ADAMTSL1: variants seen among roughly 807,000 people sequenced by gnomAD.
ADAMTSL1 encodes ADAMTS like 1, also known as ADAMTS-like protein 1.
ADAMTSL1 carries 126 observed loss-of-function variants against 201.8 expected under a neutral mutation model. The observed-to-expected ratio is 0.62, with a 90% CI of 0.54 to 0.72. The LOEUF (loss-of-function observed/expected upper bound fraction) is 0.72. Ranked by LOEUF, ADAMTSL1 falls within the 30% of genes least tolerant of loss-of-function variation. The pLI is 0.00. For synonymous variants in ADAMTSL1, 1,121 were observed against 903.4 expected (o/e 1.24, Z -4.32); for missense variants, 2,679 against 2,277.8 (o/e 1.18, Z -3.59).
chr9:18,122,841 C>T (rs1049419000), intron 1 of ADAMTSL1, among the ~76,000 whole-genome samples: 3 of 152,030 alleles, frequency 2.0e-5, no homozygotes, highest in Non-Finnish European at 2.9e-5. Context: ...CAGGCTCAGG[C>T]GATCCTCCCA....
At chr9:18,161,524 A>C (rs1223805024) in intron 1 of ADAMTSL1, among the ~76,000 whole-genome samples, 3 of 152,074 alleles carry the variant, frequency 2.0e-5, no homozygotes, top group Non-Finnish European at 4.4e-5. Context: ...CCTTTCAAAA[A>C]ACACCAAAAT....
At chr9:18,064,245 G>A (rs575534563) in intron 1 of ADAMTSL1, among the ~76,000 whole-genome samples, 57 of 152,130 alleles carry the variant, frequency 3.7e-4, no homozygotes, top group African/African-American at 1.1e-3. Context: ...GGGTTGCACC[G>A]TGGAATGATC....
chr9:17,970,293 C>G (rs1233584306), intron 1 of ADAMTSL1, among the ~76,000 whole-genome samples: 2 of 152,014 alleles, frequency 1.3e-5, no homozygotes, highest in Non-Finnish European at 2.9e-5. Flanking sequence ...AAAACTACCC[C>G]CTCCTATCTA....
intron 6 of ADAMTSL1, 46 bp downstream of exon 6, chr9:18,636,063 A>G (rs555633792): frequency 1.4e-6 from 2 of 1,427,128 alleles, no homozygotes; most frequent in Non-Finnish European, 1.9e-6. Flanking sequence ...AATTGTAGTC[A>G]TTATTATTTA....
chr9:18,103,549 T>C (rs77937131), intron 1 of ADAMTSL1, among the ~76,000 whole-genome samples: 6,169 of 152,252 alleles, frequency 0.041, 188 homozygotes, highest in South Asian at 0.068. Flanking sequence ...CAGTTTCTTA[T>C]AGCAAGTGGG....
intron 7 of ADAMTSL1, among the ~76,000 whole-genome samples, chr9:18,647,801 T>C (rs1228509349): frequency 6.6e-6 from 1 of 151,992 alleles, no homozygotes; most frequent in East Asian, 1.9e-4. Context: ...AGAGCTTTAC[T>C]TCCAAGTATG....
At chr9:18,700,377 C>T (rs994934033) in intron 13 of ADAMTSL1, among the ~76,000 whole-genome samples, 8 of 152,044 alleles carry the variant, frequency 5.3e-5, no homozygotes, top group East Asian at 3.9e-4. Flanking sequence ...CTTCTCATCT[C>T]ATGTAAAAAT....
At chr9:18,011,689 A>C (rs1820058247) in intron 1 of ADAMTSL1, among the ~76,000 whole-genome samples, 1 of 152,032 alleles carries the variant, frequency 6.6e-6, no homozygotes, top group Non-Finnish European at 1.5e-5. Context: ...AGCTCAAAGG[A>C]GTGTCAAATA....
At chr9:18,219,048 A>AAT (rs1355165075) in intron 2 of ADAMTSL1, among the ~76,000 whole-genome samples, 6 of 151,734 alleles carry the variant, frequency 4.0e-5, no homozygotes, top group Non-Finnish European at 5.9e-5. Flanking sequence ...AATATGTATG[A>AAT]ATATATATAT....
At chr9:18,863,410 G>A (rs374591032) in intron 23 of ADAMTSL1, among the ~76,000 whole-genome samples, 18 of 152,170 alleles carry the variant, frequency 1.2e-4, no homozygotes, top group African/African-American at 4.1e-4. Context: ...AGAGACATTT[G>A]GGGAATGGAA....
chr9:18,348,934 A>C (rs1044919037), intron 2 of ADAMTSL1, among the ~76,000 whole-genome samples: 1 of 152,206 alleles, frequency 6.6e-6, no homozygotes, highest in Non-Finnish European at 1.5e-5. Context: ...TCATTTTACT[A>C]AGTATTTACA....
chr9:18,884,046 G>A (rs771100590), intron 23 of ADAMTSL1, among the ~76,000 whole-genome samples: 3 of 152,082 alleles, frequency 2.0e-5, no homozygotes, highest in Non-Finnish European at 4.4e-5. Context: ...AATGCACAAG[G>A]GTTCCAATTT....
At chr9:18,903,089 C>T (rs1588354073) in intron 26 of ADAMTSL1, among the ~76,000 whole-genome samples, 1 of 152,086 alleles carries the variant, frequency 6.6e-6, no homozygotes, top group African/African-American at 2.4e-5. Context: ...CCTGTAGTCC[C>T]AGCTACTTGG....
chr9:18,533,249 G>T lies in ADAMTSL1; in HGVS notation c.194G>T (p.Ser65Ile). ...YSLRRCLSSK[S>I]CEGRNIRYRT... Reference sequence around the variant, plus strand: ...TCTTTTTTCTTTTTGCAACTTAGGAGCTGTGAAGGAAGAAATATCCGATAC... The same window carrying T: ...TCTTTTTTCTTTTTGCAACTTAGGATCTGTGAAGGAAGAAATATCCGATAC... The change falls in exon 3 of 29, where the codon AGC becomes ATC. Residue 65 changes from serine (S) to isoleucine (I), a missense_variant and splice_region_variant. Physicochemically the swap from Ser to Ile is moderately radical, Grantham distance 142. Coordinates refer to ENST00000380548, the MANE Select transcript of ADAMTSL1 (RefSeq NM_001040272.6). The T allele has an allele frequency of 6.2e-7, 1 of 1,605,980 alleles. No individual in the cohort carries two copies. Among genetic ancestry groups the T allele is most frequent in the Non-Finnish European group, 8.5e-7 (1 of 1,176,274 alleles).
intron 1 of ADAMTSL1, among the ~76,000 whole-genome samples, chr9:18,494,855 A>G (rs1274147408): frequency 1.3e-5 from 2 of 152,214 alleles, no homozygotes; most frequent in East Asian, 3.8e-4. Flanking sequence ...ACTAGGTCCC[A>G]TCAGCTTTAG....
chr9:18,481,329 G>T (rs2131808330), intron 1 of ADAMTSL1, among the ~76,000 whole-genome samples: 1 of 152,174 alleles, frequency 6.6e-6, no homozygotes, highest in Non-Finnish European at 1.5e-5. Context: ...TGGATCACCT[G>T]AGGTCAGGAG....
chr9:18,751,185 C>A, intron 15 of ADAMTSL1, among the ~76,000 whole-genome samples: 1 of 152,176 alleles, frequency 6.6e-6, no homozygotes, highest in Middle Eastern at 3.2e-3. Context: ...ATAATTAACT[C>A]AATCTAAGGG....
chr9:18,904,383 C>T (rs1830172030), intron 26 of ADAMTSL1, among the ~76,000 whole-genome samples: 2 of 151,940 alleles, frequency 1.3e-5, no homozygotes, highest in Non-Finnish European at 2.9e-5. Flanking sequence ...ACAGGATAAT[C>T]ACTTGTACCT....
chr9:18,569,599 G>C (rs1822166956), intron 3 of ADAMTSL1, among the ~76,000 whole-genome samples: 2 of 152,098 alleles, frequency 1.3e-5, no homozygotes. Context: ...TGTATGAGGG[G>C]CTGGATGTGG....
Sources: allele counts gnomAD v4.1 joint callset (sites outside exome capture counted in the v4.1 genomes callset), GRCh38; gene constraint gnomAD v4.1.1; transcripts MANE v1.5; gene names NCBI Gene and HGNC (gene_info 2026-07-23, HGNC 2026-07-21).